NXPE4: variants seen among roughly 807,000 people sequenced by gnomAD.
The protein encoded by NXPE4 is neurexophilin and PC-esterase domain family member 4.
NXPE4 carries 42 observed loss-of-function variants against 33.3 expected under a neutral mutation model. That is an observed-to-expected ratio of 1.26 (90% CI 0.98 to 1.63). The LOEUF (loss-of-function observed/expected upper bound fraction) is 1.63, where lower values mean the gene tolerates loss of function less well. NXPE4 is among the 40% of genes most tolerant of loss of function. NXPE4 has a pLI of 0.00. For synonymous variants in NXPE4, 253 were observed against 234.9 expected (o/e 1.08, Z -0.71); for missense variants, 709 against 647.6 (o/e 1.09, Z -1.03).
the NXPE4 span, among the ~76,000 whole-genome samples, chr11:114,606,164 T>A: frequency 1.3e-5 from 2 of 152,004 alleles, no homozygotes; most frequent in East Asian, 3.9e-4. Context: ...TGGTGGATAA[T>A]AAGTATTGCC....
At chr11:114,656,439 C>T in the NXPE4 span, among the ~76,000 whole-genome samples, 11 of 152,030 alleles carry the variant, frequency 7.2e-5, no homozygotes, top group South Asian at 2.1e-4. Context: ...TTTTGAATTT[C>T]GTATGGAATC....
chr11:114,622,141 C>T, the NXPE4 span, among the ~76,000 whole-genome samples: 1 of 152,058 alleles, frequency 6.6e-6, no homozygotes, highest in Non-Finnish European at 1.5e-5. Flanking sequence ...AATATTGCCT[C>T]ATGGGTAGCC....
chr11:114,642,676 G>T, the NXPE4 span, among the ~76,000 whole-genome samples: 1 of 152,020 alleles, frequency 6.6e-6, no homozygotes, highest in East Asian at 1.9e-4. Context: ...ATGGACATTT[G>T]GGTTGGTTCC....
At chr11:114,651,666 C>A in the NXPE4 span, among the ~76,000 whole-genome samples, 2 of 152,114 alleles carry the variant, frequency 1.3e-5, no homozygotes. Context: ...GTCCGTTTTA[C>A]AGAGAGCTGA....
chr11:114,662,303 G>A, the NXPE4 span, among the ~76,000 whole-genome samples: 1 of 152,078 alleles, frequency 6.6e-6, no homozygotes, highest in East Asian at 1.9e-4. Context: ...CAGCAAAACT[G>A]GACCAAACTC....
upstream of NXPE4, among the ~76,000 whole-genome samples, chr11:114,600,202 G>T (rs1391863129): frequency 6.6e-6 from 1 of 152,088 alleles, no homozygotes; most frequent in Non-Finnish European, 1.5e-5. Flanking sequence ...TTAGAGTGCA[G>T]AAAATCAATG....
the NXPE4 span, among the ~76,000 whole-genome samples, chr11:114,651,199 T>C: frequency 6.6e-6 from 1 of 152,146 alleles, no homozygotes; most frequent in African/African-American, 2.4e-5. Flanking sequence ...CGGTTGAGTG[T>C]TACAGTTCTT....
chr11:114,621,142 G>A, the NXPE4 span, among the ~76,000 whole-genome samples: 2 of 152,020 alleles, frequency 1.3e-5, no homozygotes, highest in South Asian at 2.1e-4. Flanking sequence ...TTGTTTCATG[G>A]GTAAACACTG....
chr11:114,597,840 T>A (rs148882425), upstream of NXPE4, among the ~76,000 whole-genome samples: 49 of 152,204 alleles, frequency 3.2e-4, no homozygotes, highest in African/African-American at 1.1e-3. Flanking sequence ...TAACAATTGT[T>A]TTGGAATATA....
chr11:114,610,773 A>G, the NXPE4 span, among the ~76,000 whole-genome samples: 1 of 151,962 alleles, frequency 6.6e-6, no homozygotes. Context: ...GTCGGTAACC[A>G]CTGTTACCCA....
chr11:114,665,924 G>T, the NXPE4 span, among the ~76,000 whole-genome samples: 1 of 152,164 alleles, frequency 6.6e-6, no homozygotes, highest in African/African-American at 2.4e-5. Flanking sequence ...AAATCTGTGT[G>T]CAGTTATTAT....
the NXPE4 span, among the ~76,000 whole-genome samples, chr11:114,645,724 A>G: frequency 6.6e-6 from 1 of 152,192 alleles, no homozygotes; most frequent in African/African-American, 2.4e-5. Context: ...TAAAGAATTC[A>G]TATAAAGTGA....
chr11:114,615,632 T>C, the NXPE4 span, among the ~76,000 whole-genome samples: 3 of 150,984 alleles, frequency 2.0e-5, no homozygotes, highest in African/African-American at 7.4e-5. Context: ...TGGTGGATAA[T>C]AAGTGTTGCC....
chr11:114,647,144 G>A, the NXPE4 span, among the ~76,000 whole-genome samples: 12 of 152,120 alleles, frequency 7.9e-5, no homozygotes, highest in Non-Finnish European at 1.5e-4. Context: ...AAATAAAACT[G>A]CTAATTACAG....
chr11:114,673,362 C>T, the NXPE4 span, among the ~76,000 whole-genome samples: 2 of 151,164 alleles, frequency 1.3e-5, no homozygotes, highest in Non-Finnish European at 1.5e-5. Context: ...TGTTCACACC[C>T]ATATTAAAAA....
the NXPE4 span, among the ~76,000 whole-genome samples, chr11:114,604,757 T>C: frequency 9.2e-5 from 14 of 151,886 alleles, no homozygotes; most frequent in African/African-American, 2.9e-4. Context: ...TATTGCCTCA[T>C]TGGTAACCAC....
rs1949563465 is a variant in NXPE4 at position 114,595,738 on chromosome 11, C to A, written c.-157G>T. The A allele has an allele frequency of 6.6e-6, 1 of 152,286 alleles. No homozygotes were observed. The highest frequency in any genetic ancestry group is 1.5e-5 in the Non-Finnish European group (1 of 68,034). The allele number at this position is 152,286 out of a possible 1,614,324, so 9.4% of individuals were successfully genotyped here. A position where few individuals can be genotyped will look rare whatever the true frequency, so the allele number is the denominator to read the frequency against. ...CAGATATAAGTTGCAGTTTGTTTAC[C>A]TTTAGCATGGATTCACAACCTTCTG... On this transcript the variant is annotated 5_prime_UTR_variant, in exon 1 of 6. In the 5' UTR this introduces an upstream ATG that the reference lacks. Transcript: ENST00000375478.
the NXPE4 span, among the ~76,000 whole-genome samples, chr11:114,603,648 G>T: frequency 1.3e-5 from 2 of 151,790 alleles, no homozygotes; most frequent in Middle Eastern, 3.4e-3. Context: ...TTACCTGGTG[G>T]ATGGCAAGTA....
chr11:114,611,781 G>A, the NXPE4 span, among the ~76,000 whole-genome samples: 115 of 151,612 alleles, frequency 7.6e-4, no homozygotes, highest in African/African-American at 2.6e-3. Context: ...ACTGTTACCC[G>A]GTGGATAATA....
Sources: gnomAD v4.1 joint callset for allele counts (sites outside exome capture counted in the v4.1 genomes callset) on GRCh38, gnomAD v4.1.1 for gene constraint, MANE v1.5 for transcripts, NCBI Gene and HGNC (gene_info 2026-07-23, HGNC 2026-07-21) for gene names.